The following NRL variants were observed in gnomAD, a reference collection of about 807,000 sequenced individuals.
NRL encodes neural retina leucine zipper.
Under a neutral mutation model 12.5 loss-of-function variants are expected in NRL, and 16 were observed. That is an observed-to-expected ratio of 1.28 (90% CI 0.87 to 1.95). The LOEUF (loss-of-function observed/expected upper bound fraction) is 1.95. NRL is among the 30% of genes most tolerant of loss of function. NRL has a pLI of 0.00. For missense variants in NRL, 314 were observed against 325.8 expected (o/e 0.96, Z 0.28); for synonymous variants, 142 against 150.9 (o/e 0.94, Z 0.43).
chr14:24,084,359 T>C (rs2036411849), intron 1 of NRL, among the ~76,000 whole-genome samples: 1 of 152,172 alleles, frequency 6.6e-6, no homozygotes, highest in Admixed American at 6.5e-5. Flanking sequence ...TTGTTTATCT[T>C]TCTGACGTGA....
At chr14:24,110,420 GA>G in intron 1 of NRL, 4 of 233,852 alleles carry the variant, frequency 1.7e-5, no homozygotes, top group South Asian at 6.3e-5. Context: ...ACTTTCTAAT[GA>G]AAAAATGAAA....
Position 24,079,911 on chromosome 14 carries a change from T to TTGG in NRL, c.*1322_*1324dup, listed in dbSNP as rs1020026606. Among the ~76,000 whole-genome samples the TTGG allele has an allele frequency of 6.6e-6, 1 of 151,972 alleles. No homozygotes were observed. Among genetic ancestry groups the TTGG allele is most frequent in the Non-Finnish European group, 1.5e-5 (1 of 67,974 alleles). On this transcript the variant is annotated 3_prime_UTR_variant, in exon 3 of 3. Transcript: ENST00000561028. Reference sequence around the variant, plus strand: ...AGCTGGGCCACTGAGGCTTCTGAGTTTGGTGGTGGTGGTGGTGAGAGGGGG... The same window carrying TTGG: ...AGCTGGGCCACTGAGGCTTCTGAGTTTGGTGGTGGTGGTGGTGGTGAGAGGGGG...
At chr14:24,105,360 A>AT (rs1233621001) in intron 1 of NRL, among the ~76,000 whole-genome samples, 1 of 152,164 alleles carries the variant, frequency 6.6e-6, no homozygotes, top group Non-Finnish European at 1.5e-5. Context: ...TGCTGCAGAG[A>AT]TTTTGCTTAT....
chr14:24,098,976 C>G (rs1248410417), intron 1 of NRL: 1 of 1,203,428 alleles, frequency 8.3e-7, no homozygotes, highest in Non-Finnish European at 1.2e-6. Flanking sequence ...CCTGCCAATC[C>G]CTGATCCCTC....
intron 1 of NRL, chr14:24,100,353 C>T: frequency 2.0e-6 from 3 of 1,465,586 alleles, no homozygotes; most frequent in Non-Finnish European, 2.7e-6. Flanking sequence ...TTTCCAGTCC[C>T]AGGCAAAATC....
intron 1 of NRL, among the ~76,000 whole-genome samples, chr14:24,095,873 G>T (rs1194789250): frequency 1.3e-5 from 2 of 152,116 alleles, no homozygotes; most frequent in African/African-American, 2.4e-5. Context: ...TCAACCTTCC[G>T]CAGAGTTCAG....
At position 24,083,418 on chromosome 14, in the gene NRL, T is replaced by C. The variant is rs142420971; in HGVS notation, c.-27-543A>G. Among the ~76,000 whole-genome samples the C allele has an allele frequency of 3.1e-3, 477 of 152,332 alleles. 4 individuals carry two copies. The highest frequency in any genetic ancestry group is 0.01 in the African/African-American group (417 of 41,564). On this transcript the variant is annotated intron_variant, in intron 1 of 2. Coordinates refer to ENST00000561028, the MANE Select transcript of NRL (RefSeq NM_001354768.3). ...GAAGACCCTCAGTGTACATTTGTTC[T>C]ATGGATTAATCAATCAATGAATCCC...
chr14:24,109,652 C>T (rs1447862721), intron 1 of NRL, among the ~76,000 whole-genome samples: 3 of 149,394 alleles, frequency 2.0e-5, no homozygotes, highest in Non-Finnish European at 3.0e-5. Flanking sequence ...GAGCCGAGAT[C>T]GGTCCACTGC....
At chr14:24,109,206 C>G (rs1457288284) in intron 1 of NRL, among the ~76,000 whole-genome samples, 1 of 152,142 alleles carries the variant, frequency 6.6e-6, no homozygotes, top group Non-Finnish European at 1.5e-5. Context: ...AACCACGCAA[C>G]GTACCAAATT....
intron 1 of NRL, among the ~76,000 whole-genome samples, chr14:24,109,803 T>TA (rs903798426): frequency 1.3e-5 from 2 of 152,194 alleles, no homozygotes; most frequent in African/African-American, 2.4e-5. Context: ...AATTTTGTCA[T>TA]AAAACCTCAG....
At chr14:24,084,624 T>C in intron 1 of NRL, 1 of 985,360 alleles carries the variant, frequency 1.0e-6, no homozygotes, top group Non-Finnish European at 1.2e-6. Flanking sequence ...TCTGCTCAGC[T>C]CCAGGGGGCT....
rs765222059 is a variant in NRL at position 24,081,489 on chromosome 14, C to A, written c.461G>T (p.Arg154Leu). 1.3e-6 allele frequency: 2 copies of A among 1,596,382 alleles called. No individual in the cohort carries two copies. Among genetic ancestry groups the A allele is most frequent in the Non-Finnish European group, 1.7e-6 (2 of 1,173,984 alleles). ...CTGCTTCAGCCGCAGCGCCTCGTCG[C>A]GCCCGCAGCCCCGCAGCTGCCGGTT... ...ELNRQLRGCG[R>L]DEALRLKQRR... The change falls in exon 3 of 3, where the codon CGC (arginine) becomes CTC (leucine). Residue 154 changes from arginine (R) to leucine (L), a missense_variant. Arg to Leu is a moderately radical substitution (Grantham distance 102). Transcript: ENST00000561028. This position sits in a 1 kb window ranked among gnomAD's most constrained non-coding sequence, Gnocchi z 4.4.
At chr14:24,114,381 G>A (rs1242423551) in intron 1 of NRL, 1 of 152,560 alleles carries the variant, frequency 6.6e-6, no homozygotes, top group Non-Finnish European at 1.5e-5. Flanking sequence ...CCTTAGGGCA[G>A]AACCGACTGG....
intron 1 of NRL, chr14:24,103,829 C>T (rs1566582666): frequency 1.9e-6 from 3 of 1,614,152 alleles, no homozygotes; most frequent in Non-Finnish European, 2.5e-6. Context: ...CTCAGCTGTT[C>T]TCCCTCCCCA....
Position 24,081,323 on chromosome 14 carries a change from G to A in NRL, c.627C>T (p.Ala209=). ...DALRAEVARL[A]RERDLYKARC... ...GAGCCTTGTAGAGATCGCGCTCCCG[G>A]GCCAGGCGGGCCACCTCGGCCCGCA... The change falls in exon 3 of 3, where the codon GCC becomes GCT. Residue 209 remains alanine (A), a synonymous_variant. Coordinates refer to ENST00000561028, the MANE Select transcript of NRL (RefSeq NM_001354768.3). This position sits in a 1 kb window ranked among gnomAD's most constrained non-coding sequence, Gnocchi z 4.4. 1 of 1,479,126 alleles carries A rather than the reference G, an allele frequency of 6.8e-7. No individual in the cohort carries two copies. The highest frequency in any genetic ancestry group is 1.8e-4 in the Middle Eastern group (1 of 5,436). 91.6% of individuals were successfully genotyped at this position (1,479,126 alleles called of 1,614,324 possible).
rs1594312955 is a variant in NRL, at chr14:24,103,423, T to G, written c.-28+11299A>C. The G allele has an allele frequency of 2.3e-6, 3 of 1,298,382 alleles. No individual in the cohort carries two copies. The East Asian group carries it at 7.0e-5, about 30-fold the overall frequency. The allele number at this position is 1,298,382 out of a possible 1,614,324, so 80.4% of individuals were successfully genotyped here. Reference sequence around the variant, plus strand: ...TGAAGATATTCAGAACCATAAGCCTTTCACAGCTTCCTCCAACTGGATGCA... The same window carrying G: ...TGAAGATATTCAGAACCATAAGCCTGTCACAGCTTCCTCCAACTGGATGCA... On this transcript the variant is annotated intron_variant, in intron 1 of 2. Coordinates refer to ENST00000561028, the MANE Select transcript of NRL (RefSeq NM_001354768.3).
At chr14:24,091,118 CCTGTGT>C (rs1361221510) in intron 1 of NRL, among the ~76,000 whole-genome samples, 103 of 119,876 alleles carry the variant, frequency 8.6e-4, no homozygotes, top group African/African-American at 2.5e-3. Context: ...ACAGAAAAGG[CCTGTGT>C]GTGTGTGTGT....
At chr14:24,097,174 A>G in intron 1 of NRL, 2 of 1,600,868 alleles carry the variant, frequency 1.2e-6, no homozygotes, top group Non-Finnish European at 1.7e-6. Flanking sequence ...GGATAGGTGC[A>G]CTGAGGCCAC....
At position 24,082,509 on chromosome 14, in the gene NRL, A is replaced by T. The variant is rs1332544924; in HGVS notation, c.340T>A (p.Tyr114Asn). The change falls in exon 2 of 3, where the codon TAC becomes AAC. Residue 114 changes from tyrosine to asparagine, a missense_variant. Transcript: ENST00000561028. ...PVPVDGPHGY[Y>N]PGSPEETGAQ... is the part of the protein sequence containing the mutation. ...CCTGTCTCCTCTGGGCTCCCTGGGT[A>T]GTAGCCATGGGGCCCATCAACAGGG... The T allele has an allele frequency of 6.2e-7, 1 of 1,613,126 alleles. No homozygotes were observed. Among genetic ancestry groups the T allele is most frequent in the Non-Finnish European group, 8.5e-7 (1 of 1,179,988 alleles).
Sources: allele counts gnomAD v4.1 joint callset (sites outside exome capture counted in the v4.1 genomes callset), GRCh38; gene constraint gnomAD v4.1.1; non-coding constraint Gnocchi (gnomAD v3.1); transcripts MANE v1.5; gene names NCBI Gene and HGNC (gene_info 2026-07-23, HGNC 2026-07-21).